The following FGF12 variants were observed in gnomAD, a reference collection of about 807,000 sequenced individuals.
FGF12 encodes the protein fibroblast growth factor 12, also known as fibroblast growth factor 12B.
Under a neutral mutation model 23.6 loss-of-function variants are expected in FGF12, and 14 were observed. That is an observed-to-expected ratio of 0.59 (90% CI 0.39 to 0.93). The LOEUF is 0.93. FGF12 is among the 40% of genes least tolerant of loss of function. The pLI is 0.00. For missense variants in FGF12, 175 were observed against 217.8 expected (o/e 0.80, Z 1.24); for synonymous variants, 62 against 77.3 (o/e 0.80, Z 1.04).
chr3:192,713,538 G>A (rs1286391230), intron 2 of FGF12, among the ~76,000 whole-genome samples: 1 of 152,164 alleles, frequency 6.6e-6, no homozygotes, highest in Non-Finnish European at 1.5e-5. Flanking sequence ...AAGCATTTCT[G>A]ATGGAATTGA....
intron 4 of FGF12, among the ~76,000 whole-genome samples, chr3:192,305,679 A>ATATATATAT (rs1553794685): frequency 5.0e-4 from 66 of 131,926 alleles, no homozygotes; most frequent in South Asian, 1.3e-3. Flanking sequence ...AAAAAAAAAA[A>ATATATATAT]ATATATATAT....
chr3:192,230,965 T>C (rs1718989168), intron 4 of FGF12, among the ~76,000 whole-genome samples: 1 of 152,212 alleles, frequency 6.6e-6, no homozygotes, highest in South Asian at 2.1e-4. Flanking sequence ...AATGATGACC[T>C]ACTTAAGAAA....
intron 2 of FGF12, among the ~76,000 whole-genome samples, chr3:192,550,438 A>AT (rs1332292451): frequency 6.6e-6 from 1 of 150,670 alleles, no homozygotes; most frequent in Non-Finnish European, 1.5e-5. Context: ...CATATGTTAC[A>AT]TTATATATTA....
chr3:192,392,748 GT>G (rs1296444475), intron 2 of FGF12, among the ~76,000 whole-genome samples: 3 of 152,050 alleles, frequency 2.0e-5, no homozygotes, highest in African/African-American at 7.2e-5. Context: ...AAAGGCCTTT[GT>G]TTTTTTCTCT....
rs1240145618 is a variant in FGF12, at chr3:192,167,766, TATA to T, written c.427+2689_427+2691del. On this transcript the variant is annotated intron_variant, in intron 5 of 5. Coordinates refer to ENST00000445105, the MANE Select transcript of FGF12 (RefSeq NM_004113.6). ...ATATATATATATATATATATATATA[TATA>T]AAATTTTTTTTTTTTTTTTTTTTTG... Among the ~76,000 whole-genome samples the T allele has an allele frequency of 1.1e-3, 35 of 31,246 alleles. 2 individuals are homozygous for T. The highest frequency in any genetic ancestry group is 6.9e-3 in the East Asian group (7 of 1,008). 20.5% of individuals were successfully genotyped at this position (31,246 alleles called of 152,430 possible).
At chr3:192,384,346 T>A (rs1719951206) in intron 2 of FGF12, among the ~76,000 whole-genome samples, 1 of 152,172 alleles carries the variant, frequency 6.6e-6, no homozygotes, top group Admixed American at 6.5e-5. Flanking sequence ...TGATATTTTA[T>A]AAAGACTTAA....
intron 4 of FGF12, among the ~76,000 whole-genome samples, chr3:192,194,014 C>T (rs12488465): frequency 0.083 from 12,698 of 152,224 alleles, 665 homozygotes; most frequent in South Asian, 0.23. Flanking sequence ...GCTAAAACAA[C>T]GTCACTTCTC....
intron 2 of FGF12, among the ~76,000 whole-genome samples, chr3:192,655,263 T>C (rs746903572): frequency 2.6e-5 from 4 of 152,206 alleles, no homozygotes; most frequent in Non-Finnish European, 4.4e-5. Context: ...CTACATATCC[T>C]AGCCACCCTT....
In FGF12 at chr3:192,464,096, C is replaced by G. The variant is rs575348373; in HGVS notation, c.14-103558G>C. ...CCTTAGAGATTCCAATTACACTGCT[C>G]AGGGTGGGGCCCAGGGATGAGTTTT... On this transcript the variant is annotated intron_variant, in intron 2 of 5. Coordinates refer to ENST00000445105, the MANE Select transcript of FGF12 (RefSeq NM_004113.6). 1.3e-4 allele frequency among the ~76,000 whole-genome samples: 20 copies of G among 152,274 alleles called. 1 individual carries two copies. In the South Asian group the frequency reaches 3.9e-3, roughly 30 times the overall value.
chr3:192,305,408 C>G (rs1715567041), intron 4 of FGF12, among the ~76,000 whole-genome samples: 1 of 151,812 alleles, frequency 6.6e-6, no homozygotes, highest in Non-Finnish European at 1.5e-5. Flanking sequence ...CCCAGAAATA[C>G]ACGTCGAGCT....
chr3:192,529,294 A>G (rs1189940306), intron 2 of FGF12, among the ~76,000 whole-genome samples: 2 of 152,218 alleles, frequency 1.3e-5, no homozygotes, highest in Non-Finnish European at 2.9e-5. Flanking sequence ...AAATGCCACC[A>G]GTCTCTTTGC....
intron 2 of FGF12, among the ~76,000 whole-genome samples, chr3:192,636,424 T>G (rs1306764039): frequency 1.3e-5 from 2 of 152,372 alleles, no homozygotes; most frequent in Non-Finnish European, 2.9e-5. Context: ...GAAAGTTCTC[T>G]GAACAAATTT....
At chr3:192,418,572 C>T (rs554637009) in intron 2 of FGF12, among the ~76,000 whole-genome samples, 2 of 152,196 alleles carry the variant, frequency 1.3e-5, no homozygotes, top group African/African-American at 4.8e-5. Flanking sequence ...TGTGTCCGTG[C>T]CCAAATCTCA....
intron 2 of FGF12, among the ~76,000 whole-genome samples, chr3:192,628,754 T>C (rs1421025673): frequency 1.3e-5 from 2 of 150,468 alleles, no homozygotes; most frequent in Non-Finnish European, 3.0e-5. Flanking sequence ...CATAAATATA[T>C]ACTTTTTACT....
At chr3:192,164,625 C>G (rs892401112) in intron 5 of FGF12, among the ~76,000 whole-genome samples, 3 of 152,150 alleles carry the variant, frequency 2.0e-5, no homozygotes, top group Admixed American at 2.0e-4. Context: ...AACAAAAGAA[C>G]AAAAGCAAAA....
At chr3:192,620,713 T>C (rs1714941983) in intron 2 of FGF12, among the ~76,000 whole-genome samples, 1 of 152,176 alleles carries the variant, frequency 6.6e-6, no homozygotes, top group South Asian at 2.1e-4. Flanking sequence ...GATATATTCT[T>C]AAGATCAAAA....
Position 192,365,141 on chromosome 3 carries a change from G to A in FGF12, c.14-4603C>T, listed in dbSNP as rs1330136037. Among the ~76,000 whole-genome samples the A allele has an allele frequency of 2.6e-5, 4 of 152,086 alleles. No individual in the cohort carries two copies. The South Asian group carries it at 6.2e-4, about 24-fold the overall frequency. Reference sequence around the variant, plus strand: ...CAAAGAAGGGATAAATGCTTGAGGTGAGAGATAACCTATTTGCCTTGATGT... The same window carrying A: ...CAAAGAAGGGATAAATGCTTGAGGTAAGAGATAACCTATTTGCCTTGATGT... On this transcript the variant is annotated intron_variant, in intron 2 of 5. Transcript: ENST00000445105.
chr3:192,631,502 C>G (rs986253908), intron 2 of FGF12, among the ~76,000 whole-genome samples: 1 of 152,256 alleles, frequency 6.6e-6, no homozygotes, highest in Non-Finnish European at 1.5e-5. Flanking sequence ...ATTTTCCTAA[C>G]TCCTTGTACC....
Position 192,458,911 on chromosome 3 carries a change from G to A in FGF12, c.14-98373C>T, listed in dbSNP as rs376576792. Among the ~76,000 whole-genome samples the A allele has an allele frequency of 5.9e-5, 9 of 152,190 alleles. No homozygotes were observed. In the East Asian group the frequency reaches 1.7e-3, roughly 29 times the overall value. ...CCAGTGGGAGATAATTTGAATCATG[G>A]GGCAGTTTCTCCTATGCTGTTCTTG... On this transcript the variant is annotated intron_variant, in intron 2 of 5. Transcript: ENST00000445105.
Sources: gnomAD v4.1 joint callset for allele counts (sites outside exome capture counted in the v4.1 genomes callset) on GRCh38, gnomAD v4.1.1 for gene constraint, MANE v1.5 for transcripts, NCBI Gene and HGNC (gene_info 2026-07-23, HGNC 2026-07-21) for gene names.